Variants in DLGAP2 observed in about 807,000 individuals in gnomAD.
DLGAP2 encodes the protein disks large-associated protein 2.
DLGAP2 carries 26 observed loss-of-function variants against 100.3 expected under a neutral mutation model. That is an observed-to-expected ratio of 0.26 (90% confidence interval 0.19 to 0.36). DLGAP2 has a LOEUF of 0.36. Among genes scored for constraint, DLGAP2 ranks in the 10% least tolerant of loss-of-function variants. DLGAP2 has a pLI of 1.00. For missense variants in DLGAP2, 1,858 were observed against 1,453.2 expected (o/e 1.28, Z -4.53); for synonymous variants, 886 against 630.1 (o/e 1.41, Z -6.08).
intron 11 of DLGAP2, among the ~76,000 whole-genome samples, chr8:1,676,984 A>G (rs1485771405): frequency 6.6e-6 from 1 of 152,236 alleles, no homozygotes; most frequent in African/African-American, 2.4e-5. Context: ...ACAGCAAAGC[A>G]CGTTCAAGGC....
intron 1 of DLGAP2, among the ~76,000 whole-genome samples, chr8:878,770 T>C (rs11778851): frequency 0.81 from 122,468 of 151,632 alleles, 50,430 homozygotes; most frequent in African/African-American, 0.88. Flanking sequence ...CTGTTTGGCT[T>C]CTCTTTCACA....
chr8:1,465,862 C>G (rs1798613846), intron 3 of DLGAP2, among the ~76,000 whole-genome samples: 1 of 152,156 alleles, frequency 6.6e-6, no homozygotes, highest in Non-Finnish European at 1.5e-5. Flanking sequence ...TTTTGGGACT[C>G]ACAATGAGAA....
At chr8:892,000 C>T (rs11990582) in intron 1 of DLGAP2, among the ~76,000 whole-genome samples, 122,544 of 152,232 alleles carry the variant, frequency 0.8, 49,451 homozygotes, top group Admixed American at 0.87. Flanking sequence ...GAGTCAGTGC[C>T]GAGAAAGCCC....
chr8:1,673,539 A>ATGC (rs1798740368), intron 10 of DLGAP2, among the ~76,000 whole-genome samples: 1 of 152,312 alleles, frequency 6.6e-6, no homozygotes, highest in African/African-American at 2.4e-5. Context: ...AAATCTGCAC[A>ATGC]GTTCATCATA....
intron 4 of DLGAP2, among the ~76,000 whole-genome samples, chr8:1,543,541 G>A (rs527252837): frequency 2.0e-5 from 3 of 152,318 alleles, no homozygotes; most frequent in Non-Finnish European, 4.4e-5. Flanking sequence ...GGGTCCATGT[G>A]TGCATCCTTG....
chr8:1,516,455 CTGAG>C (rs954391118), intron 4 of DLGAP2, among the ~76,000 whole-genome samples: 2 of 69,798 alleles, frequency 2.9e-5, no homozygotes, highest in African/African-American at 1.1e-4. Context: ...GAAAGAGTGA[CTGAG>C]TGAATGAGTG....
intron 13 of DLGAP2, among the ~76,000 whole-genome samples, chr8:1,696,436 G>C (rs990938065): frequency 3.3e-5 from 5 of 152,158 alleles, no homozygotes; most frequent in Non-Finnish European, 7.3e-5. Flanking sequence ...GGAGGTAGAG[G>C]CTGCAGTGAG....
intron 6 of DLGAP2, among the ~76,000 whole-genome samples, chr8:1,601,196 G>T (rs1219829953): frequency 6.6e-6 from 1 of 152,248 alleles, no homozygotes; most frequent in Non-Finnish European, 1.5e-5. Flanking sequence ...GGTATCACCA[G>T]TGGAGGTTGC....
chr8:756,781 G>A (rs575026692), intron 1 of DLGAP2, among the ~76,000 whole-genome samples: 5 of 152,244 alleles, frequency 3.3e-5, no homozygotes, highest in South Asian at 2.1e-4. Context: ...TCAGGAGAAC[G>A]TTCTTTTAGC....
At chr8:777,956 G>A (rs1286213307) in intron 1 of DLGAP2, among the ~76,000 whole-genome samples, 3 of 152,034 alleles carry the variant, frequency 2.0e-5, no homozygotes, top group Non-Finnish European at 2.9e-5. Flanking sequence ...TTCCAACTTG[G>A]TTCCATTCTC....
Position 1,626,737 on chromosome 8 carries a change from T to C in DLGAP2, c.1443-3T>C. The C allele has an allele frequency of 6.3e-7, 1 of 1,596,408 alleles. No individual in the cohort carries two copies. Among genetic ancestry groups the C allele is most frequent in the Non-Finnish European group, 8.5e-7 (1 of 1,171,732 alleles). On this transcript the variant is annotated splice_polypyrimidine_tract_variant and splice_region_variant and intron_variant, in intron 6 of 14. Coordinates refer to ENST00000637795, the MANE Select transcript of DLGAP2 (RefSeq NM_001346810.2). ...GCCTTTTCTCCTTTCTTCTTTCCTG[T>C]AGCCAGACCTACCTGCAAGCTGCAA...
intron 3 of DLGAP2, among the ~76,000 whole-genome samples, chr8:1,287,486 G>GTGTGTGTGTA (rs1799954308): frequency 1.9e-5 from 1 of 53,012 alleles, no homozygotes; most frequent in Non-Finnish European, 3.3e-5. Flanking sequence ...GTGTGTGTGT[G>GTGTGTGTGTA]TGTGTGTGTG....
intron 2 of DLGAP2, among the ~76,000 whole-genome samples, chr8:1,195,657 T>G (rs1256619056): frequency 6.6e-6 from 1 of 152,074 alleles, no homozygotes; most frequent in African/African-American, 2.4e-5. Context: ...TTCCAAAGGA[T>G]TCTCTTCTTT....
At chr8:1,492,873 AAGAC>A (rs1363678252) in intron 3 of DLGAP2, among the ~76,000 whole-genome samples, 1 of 152,142 alleles carries the variant, frequency 6.6e-6, no homozygotes, top group Non-Finnish European at 1.5e-5. Flanking sequence ...GAAGAACTGA[AAGAC>A]AGGCACCTCC....
At chr8:1,523,586 G>A (rs1234582314) in intron 4 of DLGAP2, among the ~76,000 whole-genome samples, 2 of 152,218 alleles carry the variant, frequency 1.3e-5, no homozygotes, top group Admixed American at 6.5e-5. Context: ...CTGTTTGGAG[G>A]ACAGCTGCTC....
At chr8:1,538,846 T>C (rs1222131269) in intron 4 of DLGAP2, among the ~76,000 whole-genome samples, 1 of 150,764 alleles carries the variant, frequency 6.6e-6, no homozygotes. Flanking sequence ...ATCCCCACCC[T>C]GAGGCACAGC....
intron 1 of DLGAP2, among the ~76,000 whole-genome samples, chr8:800,773 C>T (rs979065199): frequency 6.6e-6 from 1 of 152,026 alleles, no homozygotes; most frequent in Admixed American, 6.6e-5. Context: ...TCTGTGTGCA[C>T]ATATGTTTTC....
In DLGAP2 at chr8:759,373, C is replaced by T. The variant is rs75787740; in HGVS notation, c.18+21548C>T. Among the ~76,000 whole-genome samples, 1,433 of 152,188 alleles carry T rather than the reference C, an allele frequency of 9.4e-3. 13 individuals are homozygous for T. The highest frequency in any genetic ancestry group is 0.015 in the Non-Finnish European group (1,028 of 68,006). ...TGGACCCACACTGATGCGTCATTGC[C>T]GTGTGGAGTCCATGGTTGACGTGGC... On this transcript the variant is annotated intron_variant, in intron 1 of 14. Transcript: ENST00000637795.
Position 1,706,304 on chromosome 8 carries a change from G to C in DLGAP2, c.*4898G>C, listed in dbSNP as rs1456293999. On this transcript the variant is annotated 3_prime_UTR_variant, in exon 15 of 15. Transcript: ENST00000637795. ...AAAGGGGATTACAGTTCCTGTCCCT[G>C]TCTTCCTCCAGGACACACTGTGAGG... The C allele has an allele frequency of 6.6e-6, 1 of 152,222 alleles. No individual in the cohort carries two copies. The highest frequency in any genetic ancestry group is 1.5e-5 in the Non-Finnish European group (1 of 68,046). 9.4% of individuals were successfully genotyped at this position (152,222 alleles called of 1,614,324 possible).
Sources: allele counts gnomAD v4.1 joint callset (sites outside exome capture counted in the v4.1 genomes callset), GRCh38; gene constraint gnomAD v4.1.1; transcripts MANE v1.5; gene names NCBI Gene and HGNC (gene_info 2026-07-23, HGNC 2026-07-21).